The following ICE1 variants were observed in gnomAD, a reference collection of about 807,000 sequenced individuals.
ICE1 encodes little elongation complex subunit 1.
Under a neutral mutation model 192.7 loss-of-function variants are expected in ICE1, and 64 were observed. That is an observed-to-expected ratio of 0.33 (90% CI 0.27 to 0.41). The LOEUF (loss-of-function observed/expected upper bound fraction) is 0.41, where lower values mean the gene tolerates loss of function less well. Ranked by LOEUF, ICE1 falls within the 10% of genes least tolerant of loss-of-function variation. ICE1 has a pLI of 1.00. For synonymous variants in ICE1, 1,010 were observed against 984.5 expected (o/e 1.03, Z -0.49); for missense variants, 2,708 against 2,696.0 (o/e 1.00, Z -0.10).
intron 11 of ICE1, among the ~76,000 whole-genome samples, chr5:5,455,622 C>T (rs979707324): frequency 3.3e-5 from 5 of 152,014 alleles, no homozygotes; most frequent in Non-Finnish European, 7.4e-5. Context: ...AAATATATTA[C>T]GTTAATTTTT....
Position 5,452,163 on chromosome 5 carries a change from ATTTTTTT to A in ICE1, c.605-2374_605-2368del, listed in dbSNP as rs952502832. Among the ~76,000 whole-genome samples the A allele has an allele frequency of 6.6e-4, 88 of 133,102 alleles. 1 individual carries two copies. Among genetic ancestry groups the A allele is most frequent in the Admixed American group, 4.1e-3 (54 of 13,048 alleles). 87.3% of individuals were successfully genotyped at this position (133,102 alleles called of 152,430 possible). The stretch of plus-strand genomic sequence containing the variant: ...GGCAAGCATGCTTTTTGTTTGTTCC[ATTTTTTT>A]TTTTTTTTTTTTTTGTACTGGAGGC... On this transcript the variant is annotated intron_variant, in intron 10 of 18. Transcript: ENST00000296564.
Position 5,473,666 on chromosome 5 carries a change from G to GAT in ICE1, c.6333_6334dup (p.Asn2112IlefsTer27). 6.2e-7 allele frequency: 1 copy of GAT among 1,613,414 alleles called. No homozygotes were observed. ...TGAAAAATTTGGTGAAGACCTAAGT[G>GAT]ATAACACTTGGGAATACATATTTGC... On this transcript the variant is annotated frameshift_variant, in exon 16 of 19. Transcript: ENST00000296564. LOFTEE classifies it high-confidence loss of function.
chr5:5,483,129 T>G (rs1739551403), intron 17 of ICE1, among the ~76,000 whole-genome samples: 1 of 152,122 alleles, frequency 6.6e-6, no homozygotes, highest in Admixed American at 6.6e-5. Flanking sequence ...TAGCTGGGAT[T>G]ACAGGCATGC....
At chr5:5,466,126 G>A (rs146734696) in intron 13 of ICE1, among the ~76,000 whole-genome samples, 32 of 152,276 alleles carry the variant, frequency 2.1e-4, no homozygotes, top group African/African-American at 6.3e-4. Flanking sequence ...ACAGACAGGC[G>A]TGGGGATTTC....
At position 5,447,432 on chromosome 5, in the gene ICE1, G is replaced by T. The variant is rs765866976; in HGVS notation, c.430G>T (p.Ala144Ser). The part of the protein sequence containing the change: ...EAKVKKLQEA[A>S]VKQTQDFKQL... ...TTGCTTCATTGGACTTAAAGAGGCTGCTGTCAAGCAAACTCAGGACTTCAA... is the reference window on the plus strand; with the variant it reads ...TTGCTTCATTGGACTTAAAGAGGCTTCTGTCAAGCAAACTCAGGACTTCAA... The change falls in exon 8 of 19, where the codon GCT becomes TCT. Residue 144 changes from alanine (A) to serine (S), a missense_variant. By Grantham distance (99) the Ala-to-Ser change is moderately conservative. Transcript: ENST00000296564. The T allele has an allele frequency of 6.4e-7, 1 of 1,551,262 alleles. No individual in the cohort carries two copies. Among genetic ancestry groups the T allele is most frequent in the Admixed American group, 2.0e-5 (1 of 50,934 alleles).
At position 5,461,625 on chromosome 5, in the gene ICE1, A is replaced by G; in HGVS notation, c.2291A>G (p.Asn764Ser). The G allele has an allele frequency of 6.2e-7, 1 of 1,613,582 alleles. No homozygotes were observed. The highest frequency in any genetic ancestry group is 8.5e-7 in the Non-Finnish European group (1 of 1,179,724). Residue 764 changes from asparagine (N) to serine (S), a missense_variant, in exon 13 of 19, where the codon AAT becomes AGT. Around this residue, in one of 2 missense-constraint regions of ICE1, gnomAD observed 2,366 missense variants for 2,276.6 expected, o/e 1.04. Transcript: ENST00000296564. ...GATCCAAGAATTGAGCTCACACTAA[A>G]TAAGCCAGATTTCACATCATTAATA... ...SQDPRIELTL[N>S]KPDFTSLIGS...
At chr5:5,475,704 G>T (rs1330486152) in intron 16 of ICE1, among the ~76,000 whole-genome samples, 1 of 152,212 alleles carries the variant, frequency 6.6e-6, no homozygotes, top group Admixed American at 6.5e-5. Flanking sequence ...GGACACTGGG[G>T]ATGCTCTTCA....
chr5:5,463,039 G>A lies in ICE1; in HGVS notation c.3705G>A (p.Trp1235Ter). ...AAACACTTGGAACCTGTGAAGAGTG[G>A]ATTGAATCAGAGGAAGATGATTATT... ...EEETLGTCEE[W>*]IESEEDDYSL... The change falls in exon 13 of 19, where the codon TGG becomes TGA. Residue 1235 changes from tryptophan to a stop codon, truncating the protein, a stop_gained. Transcript: ENST00000296564. LOFTEE classifies it high-confidence loss of function. 1 of 1,613,806 alleles carries A rather than the reference G, an allele frequency of 6.2e-7. No individual in the cohort carries two copies. The highest frequency in any genetic ancestry group is 8.5e-7 in the Non-Finnish European group (1 of 1,179,834).
chr5:5,486,901 G>A (rs1265021793), intron 18 of ICE1, 82 bp downstream of exon 18: 1 of 956,006 alleles, frequency 1.0e-6, no homozygotes, highest in East Asian at 2.6e-5. Context: ...CTTGCTGTGT[G>A]CTGTGCTCTG....
intron 18 of ICE1, among the ~76,000 whole-genome samples, chr5:5,487,751 G>A (rs926308191): frequency 2.0e-5 from 3 of 152,232 alleles, no homozygotes; most frequent in Non-Finnish European, 4.4e-5. Flanking sequence ...ACTACAGTGG[G>A]TGTAACCTAG....
chr5:5,463,145 C>G lies in ICE1; in HGVS notation c.3811C>G (p.Gln1271Glu), dbSNP rs774484848. ...TCTGACCAAGATTAGGCAAGAACTT[C>G]AAACAAATTCTGAAGATTGCAATGG... ...EVLTKIRQEL[Q>E]TNSEDCNGKD... Residue 1271 changes from glutamine to glutamate, a missense_variant, in exon 13 of 19, where the codon CAA (glutamine) becomes GAA (glutamate). Around this residue, in one of 2 missense-constraint regions of ICE1, gnomAD observed 2,366 missense variants for 2,276.6 expected, o/e 1.04. Transcript: ENST00000296564. 1.2e-6 allele frequency: 2 copies of G among 1,612,420 alleles called. No homozygotes were observed. The highest frequency in any genetic ancestry group is 8.5e-7 in the Non-Finnish European group (1 of 1,179,336).
intron 11 of ICE1, 67 bp downstream of exon 11, chr5:5,454,705 AG>A: frequency 8.5e-7 from 1 of 1,175,502 alleles, no homozygotes; most frequent in Non-Finnish European, 1.2e-6. Context: ...TAGGCATAGC[AG>A]CCGTTACTTT....
chr5:5,480,610 G>C (rs1195612786), intron 17 of ICE1, among the ~76,000 whole-genome samples: 1 of 152,084 alleles, frequency 6.6e-6, no homozygotes, highest in Non-Finnish European at 1.5e-5. Flanking sequence ...TTTGAGAATC[G>C]GTTATATAAG....
chr5:5,438,778 G>A (rs950939335), intron 3 of ICE1, among the ~76,000 whole-genome samples: 7 of 152,030 alleles, frequency 4.6e-5, no homozygotes, highest in African/African-American at 7.3e-5. Flanking sequence ...CTTTATTAAC[G>A]GATAACACTT....
chr5:5,439,651 A>T (rs1737980146), intron 3 of ICE1, among the ~76,000 whole-genome samples: 1 of 152,222 alleles, frequency 6.6e-6, no homozygotes, highest in African/African-American at 2.4e-5. Context: ...ATTTATTCAC[A>T]GAACTCTATT....
At chr5:5,486,457 C>G (rs1421312015) in intron 17 of ICE1, among the ~76,000 whole-genome samples, 3 of 152,114 alleles carry the variant, frequency 2.0e-5, no homozygotes, top group Non-Finnish European at 2.9e-5. Flanking sequence ...TTGGTGGGAC[C>G]ATAGTCTTAT....
rs550896603 is a variant in ICE1 at position 5,476,238 on chromosome 5, C to G, written c.6520+159C>G. On this transcript the variant is annotated intron_variant, in intron 17 of 18. Transcript: ENST00000296564. Reference sequence around the variant, plus strand: ...GTACTTAAGTCATTCTCCTTTCTCTCTCCTTGTAAATTAGTGTTTTATTCA... The same window carrying G: ...GTACTTAAGTCATTCTCCTTTCTCTGTCCTTGTAAATTAGTGTTTTATTCA... 5.9e-5 allele frequency among the ~76,000 whole-genome samples: 9 copies of G among 152,100 alleles called. No individual in the cohort carries two copies. In the South Asian group the frequency reaches 6.2e-4, roughly 11 times the overall value.
chr5:5,424,372 G>A (rs1275104685), intron 1 of ICE1, among the ~76,000 whole-genome samples: 2 of 151,668 alleles, frequency 1.3e-5, no homozygotes, highest in Non-Finnish European at 2.9e-5. Context: ...ATCTTATAAC[G>A]CCCCCCCGCC....
intron 4 of ICE1, 150 bp from the exon 5 acceptor site, chr5:5,440,962 C>A: frequency 1.9e-6 from 1 of 535,244 alleles, no homozygotes; most frequent in Non-Finnish European, 3.4e-6. Context: ...ATGTGAAGAT[C>A]ATGTTGGTGT....
Sources: gnomAD v4.1 joint callset for allele counts (sites outside exome capture counted in the v4.1 genomes callset) on GRCh38, gnomAD v4.1.1 for gene constraint, gnomAD v4.1.1 regional missense constraint, MANE v1.5 for transcripts, NCBI Gene and HGNC (gene_info 2026-07-23, HGNC 2026-07-21) for gene names.